The following MYH8 variants were observed in gnomAD, a reference collection of about 807,000 sequenced individuals.
MYH8 encodes myosin heavy chain 8.
MYH8 carries 168 observed loss-of-function variants against 233.2 expected under a neutral mutation model. The ratio of observed to expected loss-of-function variants is 0.72; its 90% CI spans 0.64 to 0.82. The LOEUF (loss-of-function observed/expected upper bound fraction) is 0.82, where lower values mean the gene tolerates loss of function less well. MYH8 is among the 40% of genes least tolerant of loss of function. The probability of loss-of-function intolerance (pLI) is 0.00; values close to 1 mark genes in which losing one functional copy is unlikely to be tolerated. For missense variants in MYH8, 1,995 were observed against 2,327.8 expected, an observed-to-expected ratio of 0.86 and a Z score of 2.94; for synonymous variants, 785 against 850.6, an observed-to-expected ratio of 0.92 and a Z score of 1.34.
rs2072067534 is a variant in MYH8, at chr17:10,395,159, AG to A, written c.4935del (p.Tyr1646ThrfsTer8). ...ANRLAAESLR[N>X]YRNTQGILKE... is the part of the protein sequence containing the mutation. ...TTCAGGATTCCTTGGGTGTTCCTGTAGTTCCTTAAACTCTCTGCAGCTAAGC... is the reference window on the plus strand; with the variant it reads ...TTCAGGATTCCTTGGGTGTTCCTGTATTCCTTAAACTCTCTGCAGCTAAGC... On this transcript the variant is annotated frameshift_variant, in exon 34 of 40. Coordinates refer to ENST00000403437, the MANE Select transcript of MYH8 (RefSeq NM_002472.3). LOFTEE classifies it high-confidence loss of function. The A allele has an allele frequency of 1.2e-6, 2 of 1,613,720 alleles. No individual in the cohort carries two copies. The highest frequency in any genetic ancestry group is 4.5e-5 in the East Asian group (2 of 44,884).
At position 10,404,686 on chromosome 17, in the gene MYH8, AATAAAT is replaced by A. The variant is rs2072175684; in HGVS notation, c.2433-107_2433-102del. 16 of 1,363,494 alleles carry A rather than the reference AATAAAT, an allele frequency of 1.2e-5. No individual in the cohort carries two copies. In the South Asian group the frequency reaches 2.0e-4, roughly 17 times the overall value. The allele number at this position is 1,363,494 out of a possible 1,614,324, so 84.5% of individuals were successfully genotyped here. A position where few individuals can be genotyped will look rare whatever the true frequency, so the allele number is the denominator to read the frequency against. On this transcript the variant is annotated intron_variant, in intron 21 of 39. Transcript: ENST00000403437. ...TCCCTTTTAATGAATGCCGCTCACA[AATAAAT>A]ATGTCACATTCTCTATATATTATAT...
At chr17:10,395,053 A>T (rs1190593477) in intron 34 of MYH8, 80 bp downstream of exon 34, 2 of 1,490,584 alleles carry the variant, frequency 1.3e-6, no homozygotes, top group Non-Finnish European at 1.9e-6. Flanking sequence ...GAAAAAAAGG[A>T]TCGTTTAACA....
rs747279361 is a variant in MYH8, at chr17:10,412,511, A to G, written c.1275T>C (p.Asn425=). Residue 425 remains asparagine, a synonymous_variant, in exon 14 of 40, where the codon AAT becomes AAC. Coordinates refer to ENST00000403437, the MANE Select transcript of MYH8 (RefSeq NM_002472.3). ...CGGCTTTGGCCAGAGCACCCACCGC[A>G]TTGTACACCTTCACAGATAGAGTAA... ...TKGQTVQQVY[N]AVGALAKAVY... 6.2e-7 allele frequency: 1 copy of G among 1,614,224 alleles called. No homozygotes were observed. The highest frequency in any genetic ancestry group is 1.1e-5 in the South Asian group (1 of 91,082).
In MYH8 at chr17:10,398,715, T is replaced by C. The variant is rs1348746588; in HGVS notation, c.3981+53A>G. On this transcript the variant is annotated intron_variant, in intron 29 of 39. Coordinates refer to ENST00000403437, the MANE Select transcript of MYH8 (RefSeq NM_002472.3). ...TAACTTACACATCCCAAGTAGAGCC[T>C]AACTGGGCAGGTTTAGATTTGGTTA... 1.9e-6 allele frequency: 3 copies of C among 1,613,722 alleles called. No individual in the cohort carries two copies. In the African/African-American group the frequency reaches 4.0e-5, roughly 22 times the overall value.
At position 10,409,463 on chromosome 17, in the gene MYH8, C is replaced by T. The variant is rs1025725985; in HGVS notation, c.1713G>A (p.Val571=). Residue 571 remains valine, a synonymous_variant, in exon 16 of 40, where the codon GTG becomes GTA. Coordinates refer to ENST00000403437, the MANE Select transcript of MYH8 (RefSeq NM_002472.3). ...AGTGGGCCTCAGCCTTGCCTTTGAC[C>T]ACCTTGGGCTTCTGGAAGTTGGCAG... ...GKSANFQKPK[V]VKGKAEAHFS... is the part of the protein sequence containing the mutation. 6.2e-7 allele frequency: 1 copy of T among 1,614,198 alleles called. No homozygotes were observed. The highest frequency in any genetic ancestry group is 2.2e-5 in the East Asian group (1 of 44,880).
chr17:10,392,193 A>G (rs903590149), intron 38 of MYH8, among the ~76,000 whole-genome samples: 1 of 152,106 alleles, frequency 6.6e-6, no homozygotes, highest in Admixed American at 6.6e-5. Flanking sequence ...TCCAGTCCTT[A>G]CCTCCCCATC....
chr17:10,413,987 T>A lies in MYH8; in HGVS notation c.1062A>T (p.Lys354Asn), dbSNP rs1361578332. ...FTPEEKVSIY[K>N]LTGAVMHYGN... ...CATAATGCATCACAGCCCCTGTGAG[T>A]TTATAGATGGACACTTTCTCTTCAG... Residue 354 changes from lysine (K) to asparagine (N), a missense_variant, in exon 12 of 40, where the codon AAA becomes AAT. This residue lies in a region of MYH8 where 479 missense variants were observed against 600.9 expected (regional missense o/e 0.80). Coordinates refer to ENST00000403437, the MANE Select transcript of MYH8 (RefSeq NM_002472.3). The A allele has an allele frequency of 6.2e-7, 1 of 1,613,970 alleles. No individual in the cohort carries two copies. Among genetic ancestry groups the A allele is most frequent in the Non-Finnish European group, 8.5e-7 (1 of 1,180,026 alleles).
intron 35 of MYH8, 84 bp downstream of exon 35, chr17:10,394,165 T>C: frequency 6.5e-7 from 1 of 1,546,104 alleles, no homozygotes; most frequent in East Asian, 2.2e-5. Flanking sequence ...ATACACATAT[T>C]TATACAAATT....
chr17:10,420,245 C>T lies in MYH8; in HGVS notation c.-18G>A. On this transcript the variant is annotated 5_prime_UTR_variant, in exon 3 of 40. Transcript: ENST00000403437. ...GCACTCATGGCTGCGATTTATTTAG[C>T]AAAGGATTCTGCCTAGGGAGGAGAG... 7 of 1,612,432 alleles carry T rather than the reference C, an allele frequency of 4.3e-6. No homozygotes were observed. The highest frequency in any genetic ancestry group is 5.9e-6 in the Non-Finnish European group (7 of 1,179,880).
At chr17:10,394,138 C>T (rs1393422904) in intron 35 of MYH8, 111 bp downstream of exon 35, 3 of 1,385,198 alleles carry the variant, frequency 2.2e-6, no homozygotes, top group African/African-American at 1.4e-5. Flanking sequence ...TTGAGCATAT[C>T]CCCCATCCAT....
rs762055940 is a variant in MYH8, at chr17:10,401,788, A to G, written c.2689-3T>C. ...GCATCAGCCAAGCTATCTGCTTCCT[A>G]TGGAGAGATTCATTCAGATACTTAG... On this transcript the variant is annotated splice_polypyrimidine_tract_variant and splice_region_variant and intron_variant, in intron 22 of 39. Coordinates refer to ENST00000403437, the MANE Select transcript of MYH8 (RefSeq NM_002472.3). 1.9e-6 allele frequency: 3 copies of G among 1,613,986 alleles called. No homozygotes were observed. The highest frequency in any genetic ancestry group is 1.7e-5 in the Admixed American group (1 of 59,988).
In MYH8 at chr17:10,396,638, G is replaced by A. The variant is rs2142170702; in HGVS notation, c.4443C>T (p.Ser1481=). Residue 1481 remains serine (S), a synonymous_variant, in exon 32 of 40, where the codon AGC becomes AGT. Transcript: ENST00000403437. This position sits in a 1 kb window ranked among gnomAD's most constrained non-coding sequence, Gnocchi z 4.2. The stretch of plus-strand genomic sequence containing the variant: ...CATTCTTCACCTTGAACAGCTCAGT[G>A]CTAAGAGAACGTGACTCCTTCTGGG... ...EASQKESRSL[S]TELFKVKNVY... 1 of 1,614,184 alleles carries A rather than the reference G, an allele frequency of 6.2e-7. No homozygotes were observed. The highest frequency in any genetic ancestry group is 2.2e-5 in the East Asian group (1 of 44,880).
rs571149881 is a variant in MYH8, at chr17:10,415,705, C to T, written c.515G>A (p.Arg172Gln). The change falls in exon 6 of 40, where the codon CGA (arginine) becomes CAA (glutamine). Residue 172 changes from arginine (R) to glutamine (Q), a missense_variant. Arg to Gln is a conservative substitution (Grantham distance 43). This residue lies in a region of MYH8 where 479 missense variants were observed against 600.9 expected (regional missense o/e 0.80). Coordinates refer to ENST00000403437, the MANE Select transcript of MYH8 (RefSeq NM_002472.3). This position sits in a 1 kb window ranked among gnomAD's most constrained non-coding sequence, Gnocchi z 4.1. ...CGTGATCAGGATGGACTGATTCTCT[C>T]GATCTGTGAAAGAATTCAAAATCAT... ...DNAYQFMLTDRENQSILITGE... is the reference protein window; with the variant it reads ...DNAYQFMLTDQENQSILITGE... 41 of 1,613,542 alleles carry T rather than the reference C, an allele frequency of 2.5e-5. No homozygotes were observed. The highest frequency in any genetic ancestry group is 2.3e-4 in the African/African-American group (17 of 74,990).
chr17:10,404,233 A>AT (rs1344449164), intron 22 of MYH8, 97 bp downstream of exon 22: 35 of 1,502,710 alleles, frequency 2.3e-5, no homozygotes, highest in South Asian at 9.7e-5. Flanking sequence ...GCAACTTGAG[A>AT]TTTTTTTTCA....
In MYH8 at chr17:10,393,225, C is replaced by T. The variant is rs368960642; in HGVS notation, c.5167-15G>A. 2.4e-5 allele frequency: 38 copies of T among 1,613,916 alleles called. No individual in the cohort carries two copies. Among genetic ancestry groups the T allele is most frequent in the African/African-American group, 4.0e-5 (3 of 74,894 alleles). On this transcript the variant is annotated splice_polypyrimidine_tract_variant and intron_variant, in intron 35 of 39. Transcript: ENST00000403437. ...AGACTGGTATTCTGTTAAAAGTAGTCGTGGAAATTTACAAAATTTGCAGTT... is the reference window on the plus strand; with the variant it reads ...AGACTGGTATTCTGTTAAAAGTAGTTGTGGAAATTTACAAAATTTGCAGTT...
Position 10,395,402 on chromosome 17 carries a change from G to A in MYH8, c.4693C>T (p.Gln1565Ter). 1.2e-6 allele frequency: 2 copies of A among 1,614,052 alleles called. No individual in the cohort carries two copies. The highest frequency in any genetic ancestry group is 2.7e-5 in the African/African-American group (2 of 75,006). The change falls in exon 34 of 40, where the codon CAG becomes TAG. Residue 1565 changes from glutamine (Q) to a stop codon, truncating the protein, a stop_gained. Coordinates refer to ENST00000403437, the MANE Select transcript of MYH8 (RefSeq NM_002472.3). LOFTEE classifies it high-confidence loss of function. Reference protein sequence around the residue: ...EHEEGKILRIQLELNQVKSEV... With the variant: ...EHEEGKILRI ...GACTTGACTTGGTTTAACTCAAGCT[G>A]GATACGCAGAATCTTTCCTTCTTCA...
chr17:10,391,911 T>G lies in MYH8; in HGVS notation c.5635A>C (p.Lys1879Gln). Reference sequence around the variant, plus strand: ...TCCTCAGCTTGTCTCTTGTATGATTTCACCTTCGCCTGTAATTTATCTACC... The same window carrying G: ...TCCTCAGCTTGTCTCTTGTATGATTGCACCTTCGCCTGTAATTTATCTACC... ...DLVDKLQAKV[K>Q]SYKRQAEEAE... Residue 1879 changes from lysine to glutamine, a missense_variant, in exon 39 of 40, where the codon AAA (lysine) becomes CAA (glutamine). By Grantham distance (53) the Lys-to-Gln change is moderately conservative. Around this residue, in one of 3 missense-constraint regions of MYH8, gnomAD observed 1,498 missense variants for 1,680.9 expected, o/e 0.89. Coordinates refer to ENST00000403437, the MANE Select transcript of MYH8 (RefSeq NM_002472.3). 1 of 1,614,146 alleles carries G rather than the reference T, an allele frequency of 6.2e-7. No individual in the cohort carries two copies. Among genetic ancestry groups the G allele is most frequent in the Non-Finnish European group, 8.5e-7 (1 of 1,179,990 alleles).
chr17:10,401,494 T>G (rs774230330), intron 23 of MYH8, 43 bp from the exon 24 acceptor site: 1 of 1,614,110 alleles, frequency 6.2e-7, no homozygotes, highest in Non-Finnish European at 8.5e-7. Flanking sequence ...ATAAAGCAAT[T>G]TAGTTGGTGG....
chr17:10,400,262 G>A lies in MYH8; in HGVS notation c.3735+128C>T, dbSNP rs1010454442. On this transcript the variant is annotated intron_variant, in intron 27 of 39. Coordinates refer to ENST00000403437, the MANE Select transcript of MYH8 (RefSeq NM_002472.3). The surrounding 1 kb of genome is among the most constrained non-coding windows in gnomAD (Gnocchi z 4.0). ...AACCAGCATTTTAAAAAATACCATA[G>A]AATGGGATATATTTGGTTAGAAAAT... is the stretch of plus-strand genomic sequence containing the variant. 9.9e-5 allele frequency: 124 copies of A among 1,249,430 alleles called. No homozygotes were observed. The Middle Eastern group carries it at 2.3e-3, about 23-fold the overall frequency. The allele number at this position is 1,249,430 out of a possible 1,614,324, so 77.4% of individuals were successfully genotyped here.
Sources: allele counts gnomAD v4.1 joint callset (sites outside exome capture counted in the v4.1 genomes callset), GRCh38; gene constraint gnomAD v4.1.1; regional missense constraint gnomAD v4.1.1; non-coding constraint Gnocchi (gnomAD v3.1); transcripts MANE v1.5; gene names NCBI Gene and HGNC (gene_info 2026-07-23, HGNC 2026-07-21).